Variants in CDH12 observed in about 807,000 individuals in gnomAD.
The protein encoded by CDH12 is cadherin-12.
In CDH12, 41 loss-of-function variants were observed where a neutral mutation model predicts 74.1. The ratio of observed to expected loss-of-function variants is 0.55; its 90% CI spans 0.43 to 0.72. The LOEUF is 0.72. Ranked by LOEUF, CDH12 falls within the 30% of genes least tolerant of loss-of-function variation. CDH12 has a pLI of 0.00. For missense variants in CDH12, 945 were observed against 977.2 expected, an observed-to-expected ratio of 0.97 and a Z score of 0.44; for synonymous variants, 399 against 355.0, an observed-to-expected ratio of 1.12 and a Z score of -1.39.
intron 1 of CDH12, among the ~76,000 whole-genome samples, chr5:22,739,245 T>C (rs1744891843): frequency 6.6e-6 from 1 of 151,994 alleles, no homozygotes; most frequent in African/African-American, 2.4e-5. Context: ...AAAATGAATG[T>C]ATTAGGGCCT....
At chr5:22,114,644 C>A (rs576803845) in intron 4 of CDH12, among the ~76,000 whole-genome samples, 60 of 152,196 alleles carry the variant, frequency 3.9e-4, no homozygotes, top group African/African-American at 1.4e-3. Flanking sequence ...ATAAAGACTT[C>A]TTTTCTTCTT....
At chr5:21,939,911 G>A (rs957631541) in intron 6 of CDH12, among the ~76,000 whole-genome samples, 1 of 152,028 alleles carries the variant, frequency 6.6e-6, no homozygotes, top group African/African-American at 2.4e-5. Flanking sequence ...GCGTACTGAT[G>A]ATAAACACTA....
chr5:22,448,256 G>C (rs1744907323), intron 2 of CDH12, among the ~76,000 whole-genome samples: 1 of 151,358 alleles, frequency 6.6e-6, no homozygotes, highest in African/African-American at 2.4e-5. Context: ...ATAGATTAAA[G>C]TTCAAATTAA....
At chr5:22,330,536 A>C (rs1222615274) in intron 3 of CDH12, among the ~76,000 whole-genome samples, 7 of 152,068 alleles carry the variant, frequency 4.6e-5, no homozygotes. Flanking sequence ...GTGGATCACG[A>C]GGTCAAGAGA....
intron 6 of CDH12, among the ~76,000 whole-genome samples, chr5:21,866,414 T>C (rs1751329284): frequency 6.6e-6 from 1 of 152,176 alleles, no homozygotes; most frequent in South Asian, 2.1e-4. Flanking sequence ...GTTAATGATA[T>C]GGACAATGAA....
At chr5:22,815,527 T>A (rs984304571) in intron 1 of CDH12, among the ~76,000 whole-genome samples, 1 of 152,028 alleles carries the variant, frequency 6.6e-6, no homozygotes, top group Non-Finnish European at 1.5e-5. Context: ...CCCAGCACTT[T>A]GGGAGGCTGA....
chr5:22,132,275 G>GA (rs1421562215), intron 4 of CDH12, among the ~76,000 whole-genome samples: 4 of 151,746 alleles, frequency 2.6e-5, no homozygotes, highest in African/African-American at 4.8e-5. Context: ...TCTGATGGAG[G>GA]AAAAAAATAA....
At chr5:21,910,958 G>T (rs1767879782) in intron 6 of CDH12, among the ~76,000 whole-genome samples, 1 of 152,288 alleles carries the variant, frequency 6.6e-6, no homozygotes, top group South Asian at 2.1e-4. Context: ...GAATAAAAAT[G>T]CTCTCTAGTG....
intron 4 of CDH12, among the ~76,000 whole-genome samples, chr5:22,145,895 G>A (rs1343854499): frequency 2.6e-5 from 4 of 152,062 alleles, no homozygotes; most frequent in Non-Finnish European, 4.4e-5. Context: ...ACACAGCTCA[G>A]AAATTCAATC....
chr5:22,361,689 G>A (rs932211151), intron 3 of CDH12, among the ~76,000 whole-genome samples: 1 of 152,074 alleles, frequency 6.6e-6, no homozygotes, highest in Admixed American at 6.6e-5. Context: ...ATACTACAAG[G>A]CTACAGTAAC....
intron 3 of CDH12, among the ~76,000 whole-genome samples, chr5:22,233,008 T>C (rs907329424): frequency 8.6e-5 from 13 of 151,316 alleles, no homozygotes; most frequent in African/African-American, 3.1e-4. Context: ...TTTTGATATA[T>C]TTGTATGTCT....
chr5:22,363,082 A>T (rs965376512), intron 3 of CDH12, among the ~76,000 whole-genome samples: 4 of 152,116 alleles, frequency 2.6e-5, no homozygotes, highest in African/African-American at 7.2e-5. Flanking sequence ...ATAATAATAA[A>T]AAAACAAATT....
chr5:22,503,566 C>A (rs988350294), intron 2 of CDH12, among the ~76,000 whole-genome samples: 2 of 151,970 alleles, frequency 1.3e-5, no homozygotes, highest in African/African-American at 4.8e-5. Context: ...TAATTTCAAG[C>A]CATTCTCCTC....
chr5:22,192,503 T>G (rs1314962659), intron 4 of CDH12, among the ~76,000 whole-genome samples: 1 of 151,940 alleles, frequency 6.6e-6, no homozygotes, highest in Non-Finnish European at 1.5e-5. Flanking sequence ...TGTAGAAGAA[T>G]AAGAAGGAGA....
intron 3 of CDH12, among the ~76,000 whole-genome samples, chr5:22,334,040 T>G (rs1739460042): frequency 6.6e-6 from 1 of 152,154 alleles, no homozygotes; most frequent in Admixed American, 6.5e-5. Context: ...GGGTAAGAAT[T>G]GAAAGTCTCT....
chr5:22,604,492 T>C (rs894704861), intron 1 of CDH12, among the ~76,000 whole-genome samples: 1 of 152,192 alleles, frequency 6.6e-6, no homozygotes, highest in African/African-American at 2.4e-5. Context: ...TTTAATAGTC[T>C]AGGCATCAAT....
rs201630333 is a variant in CDH12 at position 22,160,359 on chromosome 5, C to T, written c.-187+52139G>A. 3.9e-5 allele frequency among the ~76,000 whole-genome samples: 6 copies of T among 152,268 alleles called. No individual in the cohort carries two copies. In the East Asian group the frequency reaches 1.2e-3, roughly 29 times the overall value. On this transcript the variant is annotated intron_variant, in intron 4 of 14. Transcript: ENST00000382254. ...TCATGGCTGGATATTTTCAGAACAT[C>T]TCAGTGTATTTTCTTATTTACTGCC...
chr5:21,817,077 T>C lies in CDH12; in HGVS notation c.870A>G (p.Arg290=), dbSNP rs746602261. The stretch of plus-strand genomic sequence containing the variant: ...CAAAATCAGGATCCACAGCTCTTAT[T>C]CTTCCAATAGCTGAACCAATAGGGG... ...ESSPIGSAIG[R]IRAVDPDFGQ... The change falls in exon 9 of 15, where the codon AGA becomes AGG. Residue 290 remains arginine, a synonymous_variant. Coordinates refer to ENST00000382254, the MANE Select transcript of CDH12 (RefSeq NM_004061.5). 1.2e-6 allele frequency: 2 copies of C among 1,612,658 alleles called. No homozygotes were observed. The highest frequency in any genetic ancestry group is 3.3e-5 in the Admixed American group (2 of 59,916).
chr5:22,358,426 AG>A (rs1338802767), intron 3 of CDH12, among the ~76,000 whole-genome samples: 5 of 152,254 alleles, frequency 3.3e-5, no homozygotes, highest in African/African-American at 9.6e-5. Context: ...GAAAAAAAAA[AG>A]AAATGCTAAT....
Sources: gnomAD v4.1 joint callset for allele counts (sites outside exome capture counted in the v4.1 genomes callset) on GRCh38, gnomAD v4.1.1 for gene constraint, MANE v1.5 for transcripts, NCBI Gene and HGNC (gene_info 2026-07-23, HGNC 2026-07-21) for gene names.